Variants in PBX1 observed in about 807,000 individuals in gnomAD.
The protein encoded by PBX1 is pre-B-cell leukemia transcription factor 1.
Under a neutral mutation model 53.4 loss-of-function variants are expected in PBX1, and 6 were observed. The observed-to-expected ratio is 0.11, with a 90% CI of 0.06 to 0.22. The LOEUF (loss-of-function observed/expected upper bound fraction) is 0.22, where lower values mean the gene tolerates loss of function less well. PBX1 is among the 10% of genes least tolerant of loss of function. PBX1 has a pLI of 1.00. For missense variants in PBX1, 251 were observed against 551.4 expected, an observed-to-expected ratio of 0.46 and a Z score of 5.46; for synonymous variants, 204 against 212.3, an observed-to-expected ratio of 0.96 and a Z score of 0.34.
At chr1:164,680,917 C>T (rs1661727108) in intron 2 of PBX1, 1 of 152,214 alleles carries the variant, frequency 6.6e-6, no homozygotes, top group Non-Finnish European at 1.5e-5. Flanking sequence ...ATTCATAACT[C>T]TATAGACACT....
At position 164,847,399 on chromosome 1, in the gene PBX1, A is replaced by C. The variant is rs1671628521; in HGVS notation, c.*723A>C. The stretch of plus-strand genomic sequence containing the variant: ...AGGAAGTCAGGCAGCAGGGAAGGAC[A>C]CGGGAACAGCAGGTGGAGAATTCCT... On this transcript the variant is annotated 3_prime_UTR_variant, in exon 9 of 9. Transcript: ENST00000420696. The C allele has an allele frequency of 2.8e-6, 3 of 1,064,358 alleles. No homozygotes were observed. The highest frequency in any genetic ancestry group is 9.1e-5 in the South Asian group (2 of 21,962). 65.9% of individuals were successfully genotyped at this position (1,064,358 alleles called of 1,614,324 possible). A position where few individuals can be genotyped will look rare whatever the true frequency, so the allele number is the denominator to read the frequency against.
intron 2 of PBX1, among the ~76,000 whole-genome samples, chr1:164,575,898 G>A (rs1373464935): frequency 6.6e-6 from 1 of 152,072 alleles, no homozygotes; most frequent in African/African-American, 2.4e-5. Flanking sequence ...GTGATGCTGC[G>A]CGCAGCACCA....
At chr1:164,755,838 C>T (rs1283640358) in intron 2 of PBX1, among the ~76,000 whole-genome samples, 8 of 151,886 alleles carry the variant, frequency 5.3e-5, no homozygotes, top group African/African-American at 9.7e-5. Context: ...ACCCCCAGGG[C>T]GCCATGTAAC....
At chr1:164,790,854 C>G (rs185215040) in intron 2 of PBX1, among the ~76,000 whole-genome samples, 1 of 152,156 alleles carries the variant, frequency 6.6e-6, no homozygotes, top group Admixed American at 6.5e-5. Flanking sequence ...CCTCATTGAG[C>G]TCATCTTCAC....
At chr1:164,682,635 T>C (rs968164627) in intron 2 of PBX1, 1 of 151,886 alleles carries the variant, frequency 6.6e-6, no homozygotes, top group African/African-American at 2.4e-5. Flanking sequence ...GCCCTAAGGA[T>C]CACCAGGCCT....
chr1:164,632,493 G>A (rs1347688763), intron 2 of PBX1, among the ~76,000 whole-genome samples: 1 of 152,158 alleles, frequency 6.6e-6, no homozygotes, highest in African/African-American at 2.4e-5. Flanking sequence ...GGACACAGGA[G>A]TAGGATGAAA....
In PBX1 at chr1:164,873,437, G is replaced by C. The variant is rs74118237; in HGVS notation, n.258-25751G>C. On this transcript the variant is annotated intron_variant and non_coding_transcript_variant, in intron 2 of 2. Coordinates refer to the PBX1 transcript ENST00000558796. ...GCCCCCTTACCAAGTAGTAAATAAT[G>C]TGAATGTGGCATGACTTGTTTTTCA... 4.7e-3 allele frequency among the ~76,000 whole-genome samples: 721 copies of C among 152,308 alleles called. 7 individuals carry two copies. Among genetic ancestry groups the C allele is most frequent in the African/African-American group, 0.016 (663 of 41,572 alleles).
intron 2 of PBX1, among the ~76,000 whole-genome samples, chr1:164,652,820 C>A (rs569542410): frequency 6.6e-6 from 1 of 151,744 alleles, no homozygotes; most frequent in Non-Finnish European, 1.5e-5. Context: ...GCCCCTTTTA[C>A]TTCTCTTACC....
chr1:164,831,990 T>C (rs1423636743), intron 8 of PBX1, among the ~76,000 whole-genome samples: 1 of 152,236 alleles, frequency 6.6e-6, no homozygotes, highest in African/African-American at 2.4e-5. Context: ...ATTCAACTTA[T>C]ATTCACATTT....
intron 2 of PBX1, among the ~76,000 whole-genome samples, chr1:164,869,024 T>C (rs1204488039): frequency 2.0e-5 from 3 of 152,210 alleles, no homozygotes; most frequent in Non-Finnish European, 2.9e-5. Flanking sequence ...GTTTCAATAG[T>C]GTTTTTTCTG....
chr1:164,874,406 C>T (rs548595662), intron 2 of PBX1, among the ~76,000 whole-genome samples: 4 of 152,244 alleles, frequency 2.6e-5, no homozygotes, highest in African/African-American at 7.2e-5. Flanking sequence ...TAACTATATG[C>T]GTTGTTGTGT....
At chr1:164,655,507 C>A (rs1208642180) in intron 2 of PBX1, among the ~76,000 whole-genome samples, 1 of 152,108 alleles carries the variant, frequency 6.6e-6, no homozygotes, top group East Asian at 1.9e-4. Flanking sequence ...ATGTTGAGTA[C>A]AACATTGAGA....
chr1:164,876,488 T>C (rs888483082), intron 2 of PBX1, among the ~76,000 whole-genome samples: 2 of 151,160 alleles, frequency 1.3e-5, no homozygotes, highest in African/African-American at 4.9e-5. Context: ...GAGACTTAGG[T>C]GAGTGCGCAG....
At chr1:164,624,134 A>G (rs978894615) in intron 2 of PBX1, among the ~76,000 whole-genome samples, 1 of 152,150 alleles carries the variant, frequency 6.6e-6, no homozygotes, top group Non-Finnish European at 1.5e-5. Flanking sequence ...AGAATTATTT[A>G]CTGATGTTTT....
intron 2 of PBX1, among the ~76,000 whole-genome samples, chr1:164,768,400 A>T (rs2102238846): frequency 6.6e-6 from 1 of 152,318 alleles, no homozygotes; most frequent in South Asian, 2.1e-4. Flanking sequence ...CCTGCAAAGC[A>T]ATCCAGCCCC....
At chr1:164,590,670 A>T (rs1299269691) in intron 2 of PBX1, among the ~76,000 whole-genome samples, 10 of 152,080 alleles carry the variant, frequency 6.6e-5, no homozygotes, top group Non-Finnish European at 5.9e-5. Flanking sequence ...GGAAGCTTGG[A>T]TGGTTAGAGC....
Position 164,850,110 on chromosome 1 carries a change from C to T in PBX1, c.*3434C>T. ...TAATAAAAATTTTAAAAATGACCCT[C>T]ATAGCACGCAAAACAGGATGGGGAA... On this transcript the variant is annotated 3_prime_UTR_variant, in exon 9 of 9. Coordinates refer to ENST00000420696, the MANE Select transcript of PBX1 (RefSeq NM_002585.4). 1 of 227,602 alleles carries T rather than the reference C, an allele frequency of 4.4e-6. No homozygotes were observed. Among genetic ancestry groups the T allele is most frequent in the East Asian group, 6.3e-5 (1 of 15,802 alleles). 14.1% of individuals were successfully genotyped at this position (227,602 alleles called of 1,614,324 possible). A position where few individuals can be genotyped will look rare whatever the true frequency, so the allele number is the denominator to read the frequency against.
chr1:164,676,135 G>A (rs1250147301), intron 2 of PBX1, among the ~76,000 whole-genome samples: 1 of 152,190 alleles, frequency 6.6e-6, no homozygotes. Context: ...GAGGCATTTT[G>A]CGTTCTTTGT....
chr1:164,731,059 G>A (rs775821526), intron 2 of PBX1, among the ~76,000 whole-genome samples: 1 of 152,076 alleles, frequency 6.6e-6, no homozygotes, highest in South Asian at 2.1e-4. Flanking sequence ...ATTGCTTTCC[G>A]TGTTTATGTG....
Sources: gnomAD v4.1 joint callset for allele counts (sites outside exome capture counted in the v4.1 genomes callset) on GRCh38, gnomAD v4.1.1 for gene constraint, MANE v1.5 for transcripts, NCBI Gene and HGNC (gene_info 2026-07-23, HGNC 2026-07-21) for gene names.